RAPGEF2: variants seen among roughly 807,000 people sequenced by gnomAD.
RAPGEF2 encodes PDZ domain containing guanine nucleotide exchange factor (GEF) 1.
A neutral mutation model predicts 186.7 loss-of-function variants in RAPGEF2; 54 were observed. The observed-to-expected ratio is 0.29, with a 90% CI of 0.23 to 0.36. The LOEUF (loss-of-function observed/expected upper bound fraction) is 0.36, where lower values mean the gene tolerates loss of function less well. Ranked by LOEUF, RAPGEF2 falls within the 10% of genes least tolerant of loss-of-function variation. RAPGEF2 has a pLI of 1.00. For synonymous variants in RAPGEF2, 712 were observed against 705.9 expected (o/e 1.01, Z -0.14); for missense variants, 1,532 against 2,045.0 (o/e 0.75, Z 4.84).
intron 2 of RAPGEF2, among the ~76,000 whole-genome samples, chr4:159,192,589 T>G (rs2111313196): frequency 1.3e-5 from 2 of 152,332 alleles, no homozygotes; most frequent in South Asian, 4.1e-4. Flanking sequence ...TCAGGGTAAT[T>G]TTGAATATTT....
intron 19 of RAPGEF2, among the ~76,000 whole-genome samples, chr4:159,341,024 G>A (rs774687501): frequency 5.3e-5 from 8 of 152,118 alleles, no homozygotes; most frequent in Non-Finnish European, 1.0e-4. Context: ...TTAACCTGTT[G>A]GAGGATTGTT....
chr4:159,245,564 T>C (rs1754533770), intron 7 of RAPGEF2, among the ~76,000 whole-genome samples: 1 of 152,056 alleles, frequency 6.6e-6, no homozygotes. Context: ...AGAAAAGCTA[T>C]GTTTATTTTA....
intron 2 of RAPGEF2, among the ~76,000 whole-genome samples, chr4:159,187,240 G>A (rs935037471): frequency 2.0e-5 from 3 of 152,034 alleles, no homozygotes; most frequent in Non-Finnish European, 4.4e-5. Flanking sequence ...TGACATTTCT[G>A]TCATAGTTAT....
chr4:159,135,251 G>T (rs191521209), intron 1 of RAPGEF2, among the ~76,000 whole-genome samples: 38 of 152,156 alleles, frequency 2.5e-4, no homozygotes, highest in Non-Finnish European at 4.7e-4. Flanking sequence ...TCACCATGTT[G>T]CCCAAGCTCG....
intron 4 of RAPGEF2, among the ~76,000 whole-genome samples, chr4:159,216,707 A>G (rs766992232): frequency 3.3e-5 from 5 of 152,208 alleles, no homozygotes; most frequent in Non-Finnish European, 7.4e-5. Flanking sequence ...ATTAGGTCTC[A>G]GGTAACACTG....
rs1447900982 is a variant in RAPGEF2 at position 159,332,570 on chromosome 4, G to T, written c.2008G>T (p.Val670Leu). Residue 670 changes from valine to leucine, a missense_variant, in exon 17 of 30, where the codon GTA becomes TTA. Val to Leu is a conservative substitution (Grantham distance 32). Coordinates refer to ENST00000691494, the MANE Select transcript of RAPGEF2 (RefSeq NM_001394067.2). ...CTCCATTCCAGATCTTGCTGTAGAT[G>T]TAGAACAGGTGATAGGACTTGAAAA... ...RYSIPDLAVD[V>L]EQVIGLEKVN... is the part of the protein sequence containing the mutation. The T allele has an allele frequency of 6.2e-7, 1 of 1,614,014 alleles. No individual in the cohort carries two copies. The highest frequency in any genetic ancestry group is 2.2e-5 in the East Asian group (1 of 44,886).
intron 7 of RAPGEF2, among the ~76,000 whole-genome samples, chr4:159,290,781 G>A (rs1761100204): frequency 6.6e-6 from 1 of 151,820 alleles, no homozygotes; most frequent in Admixed American, 6.6e-5. Context: ...AAGGAAAAGA[G>A]AAAAATCTAT....
chr4:159,266,869 C>T lies in RAPGEF2; in HGVS notation c.543+23078C>T, dbSNP rs146170635. On this transcript the variant is annotated intron_variant, in intron 7 of 29. Coordinates refer to ENST00000691494, the MANE Select transcript of RAPGEF2 (RefSeq NM_001394067.2). ...GTAAGTCCTTGCTCCGTTTTCCCAC[C>T]CTGTCTTCAGTGATATTATTTGGAG... 7.5e-4 allele frequency: 128 copies of T among 171,518 alleles called. 2 individuals carry two copies. The highest frequency in any genetic ancestry group is 1.3e-3 in the Non-Finnish European group (102 of 78,300). The allele number at this position is 171,518 out of a possible 1,614,324, so 10.6% of individuals were successfully genotyped here.
At position 159,345,157 on chromosome 4, in the gene RAPGEF2, A is replaced by G; in HGVS notation, c.3330A>G (p.Thr1110=). ...TNATVLDVAQ[T]GGHKKRVRRS... ...CAACAGTGCTAGATGTTGCTCAGAC[A>G]GGTGGTCATAAAAAGCGGGTACGTC... Residue 1110 remains threonine, a synonymous_variant, in exon 24 of 30, where the codon ACA becomes ACG. Transcript: ENST00000691494. 4 of 1,614,196 alleles carry G rather than the reference A, an allele frequency of 2.5e-6. No individual in the cohort carries two copies. Among genetic ancestry groups the G allele is most frequent in the Non-Finnish European group, 3.4e-6 (4 of 1,180,000 alleles).
intron 2 of RAPGEF2, among the ~76,000 whole-genome samples, chr4:159,189,923 G>A (rs1305882901): frequency 6.6e-6 from 1 of 152,126 alleles, no homozygotes; most frequent in East Asian, 1.9e-4. Context: ...CTGACATCAC[G>A]GAACTGAGGT....
rs377642180 is a variant in RAPGEF2, at chr4:159,339,250, A to G, written c.2430A>G (p.Gln810=). The change falls in exon 19 of 30, where the codon CAA becomes CAG. Residue 810 remains glutamine (Q), a synonymous_variant. Transcript: ENST00000691494. ...REFAVTATPD[Q]YSLCEVSVTP... Reference sequence around the variant, plus strand: ...TTGCTGTTACTGCCACCCCGGATCAATATTCACTATGTGAGGTCTCTGTCA... The same window carrying G: ...TTGCTGTTACTGCCACCCCGGATCAGTATTCACTATGTGAGGTCTCTGTCA... The G allele has an allele frequency of 6.1e-5, 98 of 1,614,014 alleles. No homozygotes were observed. Among genetic ancestry groups the G allele is most frequent in the Non-Finnish European group, 7.3e-5 (86 of 1,179,996 alleles).
At chr4:159,234,741 C>G (rs1002606613) in intron 4 of RAPGEF2, among the ~76,000 whole-genome samples, 1 of 151,404 alleles carries the variant, frequency 6.6e-6, no homozygotes, top group East Asian at 2.0e-4. Context: ...GGATTATAGG[C>G]ATGAGCCACT....
At chr4:159,301,555 AG>A (rs1762677897) in intron 7 of RAPGEF2, among the ~76,000 whole-genome samples, 1 of 152,186 alleles carries the variant, frequency 6.6e-6, no homozygotes, top group Non-Finnish European at 1.5e-5. Flanking sequence ...CAAAGAACAC[AG>A]ATAGTGCGGA....
intron 1 of RAPGEF2, among the ~76,000 whole-genome samples, chr4:159,138,309 T>A (rs1741944435): frequency 6.6e-6 from 1 of 152,218 alleles, no homozygotes; most frequent in South Asian, 2.1e-4. Flanking sequence ...ATTTTTCCTT[T>A]TTGATAGAAA....
chr4:159,338,390 G>A lies in RAPGEF2; in HGVS notation c.2215G>A (p.Val739Ile). Residue 739 changes from valine to isoleucine, a missense_variant, in exon 18 of 30, where the codon GTC becomes ATC. By Grantham distance (29) the Val-to-Ile change is conservative. Around this residue, in one of 4 missense-constraint regions of RAPGEF2, gnomAD observed 810 missense variants for 1,210.5 expected, o/e 0.67. Coordinates refer to ENST00000691494, the MANE Select transcript of RAPGEF2 (RefSeq NM_001394067.2). ...QTKHIPTALP[V>I]SGTLSSSNPD... ...AAAGCACATCCCAACTGCATTGCCT[G>A]TCAGTGGAACCTTATCATCCAGTAA... 2 of 1,614,110 alleles carry A rather than the reference G, an allele frequency of 1.2e-6. No homozygotes were observed. The highest frequency in any genetic ancestry group is 1.1e-5 in the South Asian group (1 of 91,080).
At chr4:159,155,055 A>G (rs1024759970) in intron 1 of RAPGEF2, among the ~76,000 whole-genome samples, 4 of 152,194 alleles carry the variant, frequency 2.6e-5, no homozygotes, top group Non-Finnish European at 5.9e-5. Context: ...TTTCGAATTC[A>G]GAACATCCTA....
intron 7 of RAPGEF2, among the ~76,000 whole-genome samples, chr4:159,254,316 G>A (rs948022282): frequency 2.6e-5 from 4 of 152,124 alleles, no homozygotes; most frequent in Admixed American, 6.5e-5. Context: ...GCACTTGAGC[G>A]CAGTGAAAAA....
At chr4:159,116,927 G>A (rs1401385252) in intron 1 of RAPGEF2, among the ~76,000 whole-genome samples, 1 of 152,168 alleles carries the variant, frequency 6.6e-6, no homozygotes, top group Non-Finnish European at 1.5e-5. Flanking sequence ...TGCATGCTGG[G>A]CTTAATAACT....
intron 7 of RAPGEF2, among the ~76,000 whole-genome samples, chr4:159,290,624 A>C (rs1349414194): frequency 1.3e-5 from 2 of 152,186 alleles, no homozygotes; most frequent in African/African-American, 4.8e-5. Context: ...CAATCATGGC[A>C]GGTGACTGAG....
Sources: gnomAD v4.1 joint callset for allele counts (sites outside exome capture counted in the v4.1 genomes callset) on GRCh38, gnomAD v4.1.1 for gene constraint, gnomAD v4.1.1 regional missense constraint, MANE v1.5 for transcripts, NCBI Gene and HGNC (gene_info 2026-07-23, HGNC 2026-07-21) for gene names.